Variants in PRKG1 observed in about 807,000 individuals in gnomAD.
PRKG1 encodes the protein protein kinase cGMP-dependent 1.
In PRKG1, 35 loss-of-function variants were observed where a neutral mutation model predicts 88.1. The observed-to-expected ratio is 0.40, with a 90% confidence interval of 0.30 to 0.53. The LOEUF is 0.53. Ranked by LOEUF, PRKG1 falls within the 20% of genes least tolerant of loss-of-function variation. The pLI, the probability that PRKG1 is intolerant of heterozygous loss-of-function variation, is 0.59. For synonymous variants in PRKG1, 303 were observed against 292.5 expected (o/e 1.04, Z -0.37); for missense variants, 540 against 839.8 (o/e 0.64, Z 4.41).
chr10:52,164,379 A>AATAC (rs1160392281), intron 9 of PRKG1, among the ~76,000 whole-genome samples: 1 of 151,744 alleles, frequency 6.6e-6, no homozygotes, highest in Non-Finnish European at 1.5e-5. Context: ...TAAATAAATA[A>AATAC]ATAAATAAAT....
intron 3 of PRKG1, among the ~76,000 whole-genome samples, chr10:51,642,003 T>C (rs1231524014): frequency 1.3e-5 from 2 of 152,138 alleles, no homozygotes; most frequent in Non-Finnish European, 2.9e-5. Flanking sequence ...TCGTGGTAAA[T>C]CAATTATAAA....
At chr10:51,383,195 G>T (rs1210913104) in intron 2 of PRKG1, among the ~76,000 whole-genome samples, 1 of 152,090 alleles carries the variant, frequency 6.6e-6, no homozygotes, top group Non-Finnish European at 1.5e-5. Context: ...AGTCGGTGCT[G>T]AATAGACAAT....
intron 5 of PRKG1, among the ~76,000 whole-genome samples, chr10:51,951,027 G>A (rs11596918): frequency 4.6e-5 from 7 of 152,174 alleles, no homozygotes; most frequent in African/African-American, 1.7e-4. Flanking sequence ...TAGGTAGTAT[G>A]GGAAAAGACA....
At chr10:51,515,925 A>G (rs1841567459) in intron 3 of PRKG1, among the ~76,000 whole-genome samples, 1 of 152,094 alleles carries the variant, frequency 6.6e-6, no homozygotes, top group Admixed American at 6.6e-5. Context: ...GGTGTGTTAA[A>G]ATGCTCTCTT....
At chr10:51,094,716 C>T (rs192309213) in intron 1 of PRKG1, among the ~76,000 whole-genome samples, 1 of 152,052 alleles carries the variant, frequency 6.6e-6, no homozygotes, top group African/African-American at 2.4e-5. Context: ...CTGCCGAAAC[C>T]CTTGTGGCCA....
intron 2 of PRKG1, among the ~76,000 whole-genome samples, chr10:51,255,506 C>T (rs1245743943): frequency 6.6e-6 from 1 of 152,058 alleles, no homozygotes; most frequent in African/African-American, 2.4e-5. Context: ...GTAGGCTGGA[C>T]TCTGGGTGTA....
At chr10:51,040,311 CTTTTTTTT>C (rs34444612) in intron 1 of PRKG1, among the ~76,000 whole-genome samples, 15 of 42,622 alleles carry the variant, frequency 3.5e-4, no homozygotes, top group South Asian at 1.6e-3. Flanking sequence ...TTCTTTTTCT[CTTTTTTTT>C]TTTTTTTTTT....
At chr10:51,315,710 C>T (rs1841301744) in intron 2 of PRKG1, among the ~76,000 whole-genome samples, 1 of 152,162 alleles carries the variant, frequency 6.6e-6, no homozygotes, top group Non-Finnish European at 1.5e-5. Flanking sequence ...AATATTTCTA[C>T]TGTCCTAGAG....
At chr10:52,132,662 T>C (rs1276759071) in intron 7 of PRKG1, among the ~76,000 whole-genome samples, 2 of 152,160 alleles carry the variant, frequency 1.3e-5, no homozygotes, top group African/African-American at 4.8e-5. Context: ...CTATATCATT[T>C]CATATGTACC....
At chr10:51,590,762 C>T (rs1185089041) in intron 3 of PRKG1, among the ~76,000 whole-genome samples, 1 of 151,896 alleles carries the variant, frequency 6.6e-6, no homozygotes. Flanking sequence ...TTTGTGAGCT[C>T]TCTAGGCTTT....
intron 2 of PRKG1, among the ~76,000 whole-genome samples, chr10:51,210,670 G>A (rs1838190614): frequency 6.6e-6 from 1 of 152,168 alleles, no homozygotes; most frequent in Non-Finnish European, 1.5e-5. Context: ...ACTACCATCA[G>A]AGAATACTGT....
intron 8 of PRKG1, among the ~76,000 whole-genome samples, chr10:52,143,942 G>C (rs760521295): frequency 2.0e-5 from 3 of 152,088 alleles, no homozygotes; most frequent in Non-Finnish European, 4.4e-5. Flanking sequence ...TTAACTCTTG[G>C]TCCAAACAGA....
intron 3 of PRKG1, among the ~76,000 whole-genome samples, chr10:51,654,169 C>G (rs184451112): frequency 4.0e-4 from 61 of 152,106 alleles, no homozygotes; most frequent in African/African-American, 1.4e-3. Context: ...GGTTTTATAT[C>G]TAAGTCTTTA....
chr10:51,988,220 A>G (rs1436483335), intron 5 of PRKG1, among the ~76,000 whole-genome samples: 1 of 152,082 alleles, frequency 6.6e-6, no homozygotes, highest in African/African-American at 2.4e-5. Flanking sequence ...ATTATATTTC[A>G]TTGGCTATAT....
At chr10:51,498,442 C>G (rs1840925213) in intron 3 of PRKG1, among the ~76,000 whole-genome samples, 2 of 152,198 alleles carry the variant, frequency 1.3e-5, no homozygotes, top group South Asian at 4.1e-4. Context: ...CACTATCTGT[C>G]AAAGTTTTAC....
chr10:51,640,614 C>T (rs913437742), intron 3 of PRKG1, among the ~76,000 whole-genome samples: 2 of 151,946 alleles, frequency 1.3e-5, no homozygotes, highest in African/African-American at 4.8e-5. Flanking sequence ...AAGATGCTTC[C>T]AGAAAAAAAA....
intron 3 of PRKG1, among the ~76,000 whole-genome samples, chr10:51,495,978 A>G (rs943969625): frequency 6.6e-6 from 1 of 152,172 alleles, no homozygotes; most frequent in African/African-American, 2.4e-5. Flanking sequence ...TTAATGCTTG[A>G]TATATTTTCA....
Position 51,036,460 on chromosome 10 carries a change from G to C in PRKG1, c.266+44816G>C, listed in dbSNP as rs552098839. Among the ~76,000 whole-genome samples, 44 of 152,234 alleles carry C rather than the reference G, an allele frequency of 2.9e-4. No homozygotes were observed. In the East Asian group the frequency reaches 6.9e-3, roughly 24 times the overall value. ...AAGGGATATGAAGCTTGGGGTGACT[G>C]GGGGGTGCAGAGTAAAGTGAGGGAA... On this transcript the variant is annotated intron_variant, in intron 1 of 17. Coordinates refer to the PRKG1 transcript ENST00000401604.
intron 3 of PRKG1, among the ~76,000 whole-genome samples, chr10:51,695,262 G>A (rs1197950354): frequency 6.6e-6 from 1 of 152,082 alleles, no homozygotes; most frequent in Non-Finnish European, 1.5e-5. Context: ...TCTGACTACC[G>A]CCAAGATGTT....
Sources: allele counts gnomAD v4.1 joint callset (sites outside exome capture counted in the v4.1 genomes callset), GRCh38; gene constraint gnomAD v4.1.1; transcripts MANE v1.5; gene names NCBI Gene and HGNC (gene_info 2026-07-23, HGNC 2026-07-21).